HIP1: variants seen among roughly 807,000 people sequenced by gnomAD.
The protein encoded by HIP1 is huntingtin interacting protein 1.
In HIP1, 65 loss-of-function variants were observed where a neutral mutation model predicts 147.6. The observed-to-expected ratio is 0.44, with a 90% confidence interval of 0.36 to 0.54. HIP1 has a LOEUF of 0.54. Ranked by LOEUF, HIP1 falls within the 20% of genes least tolerant of loss-of-function variation. The pLI is 0.00. For synonymous variants in HIP1, 479 were observed against 504.0 expected (o/e 0.95, Z 0.67); for missense variants, 1,061 against 1,299.6 (o/e 0.82, Z 2.82).
intron 22 of HIP1, among the ~76,000 whole-genome samples, chr7:75,551,215 T>TTTTTTTTTTGG (rs1794770851): frequency 7.5e-6 from 1 of 134,202 alleles, no homozygotes; most frequent in Non-Finnish European, 1.6e-5. Context: ...TTTTTTTTTT[T>TTTTTTTTTTGG]GAGGCAGTGT....
At chr7:75,614,961 C>T (rs184917420) in intron 1 of HIP1, among the ~76,000 whole-genome samples, 2 of 151,896 alleles carry the variant, frequency 1.3e-5, no homozygotes, top group Admixed American at 6.6e-5. Flanking sequence ...TTAGTGGAGA[C>T]GGGGTTTCAC....
chr7:75,723,949 T>TAGAGAG (rs113160173), intron 1 of HIP1, among the ~76,000 whole-genome samples: 1 of 141,278 alleles, frequency 7.1e-6, no homozygotes, highest in Non-Finnish European at 1.6e-5. Context: ...TATATATATA[T>TAGAGAG]AGAGAGAGAG....
chr7:75,714,226 G>T (rs983820459), intron 1 of HIP1, among the ~76,000 whole-genome samples: 1 of 151,594 alleles, frequency 6.6e-6, no homozygotes, highest in African/African-American at 2.4e-5. Flanking sequence ...TTTTAGTGGA[G>T]ATGGGGTTTC....
At chr7:75,619,169 A>G (rs1797761173) in intron 1 of HIP1, among the ~76,000 whole-genome samples, 1 of 152,134 alleles carries the variant, frequency 6.6e-6, no homozygotes, top group African/African-American at 2.4e-5. Flanking sequence ...GGCACTGTTA[A>G]TTCAGGTGAT....
At chr7:75,575,872 C>A (rs10250938) in intron 7 of HIP1, among the ~76,000 whole-genome samples, 1 of 152,200 alleles carries the variant, frequency 6.6e-6, no homozygotes, top group African/African-American at 2.4e-5. Flanking sequence ...ATTCCGCTTC[C>A]CGACTGCACT....
Position 75,583,655 on chromosome 7 carries a change from T to C in HIP1, c.466-1504A>G, listed in dbSNP as rs140195393. On this transcript the variant is annotated intron_variant, in intron 5 of 30. Coordinates refer to ENST00000336926, the MANE Select transcript of HIP1 (RefSeq NM_005338.7). ...CCCACGCTGGAGTGCAGTGGCATGA[T>C]CATCACTCACTGCAGCCTCGAATTC... is the stretch of plus-strand genomic sequence containing the variant. 1.0e-3 allele frequency among the ~76,000 whole-genome samples: 154 copies of C among 152,024 alleles called. 1 individual carries two copies. Among genetic ancestry groups the C allele is most frequent in the African/African-American group, 3.4e-3 (142 of 41,462 alleles).
intron 1 of HIP1, among the ~76,000 whole-genome samples, chr7:75,603,682 G>A (rs587696446): frequency 5.3e-5 from 8 of 151,980 alleles, no homozygotes; most frequent in South Asian, 2.1e-4. Flanking sequence ...AGATCAGCCC[G>A]GACAACATGG....
intron 4 of HIP1, among the ~76,000 whole-genome samples, chr7:75,589,776 G>C (rs782007780): frequency 1.3e-4 from 20 of 149,710 alleles, no homozygotes; most frequent in Non-Finnish European, 1.8e-4. Flanking sequence ...TGTCACCTAG[G>C]CTGGAGTGCA....
intron 1 of HIP1, among the ~76,000 whole-genome samples, chr7:75,700,796 C>T (rs1800802625): frequency 6.6e-6 from 1 of 151,966 alleles, no homozygotes; most frequent in East Asian, 1.9e-4. Flanking sequence ...AACTCCGCCT[C>T]CCGGGTTCAC....
At chr7:75,731,402 G>A (rs1801831976) in intron 1 of HIP1, among the ~76,000 whole-genome samples, 1 of 140,224 alleles carries the variant, frequency 7.1e-6, no homozygotes, top group African/African-American at 2.6e-5. Flanking sequence ...AGAACCACTT[G>A]AACCCAGGAG....
Position 75,680,045 on chromosome 7 carries a change from C to T in HIP1, c.120+58756G>A, listed in dbSNP as rs4731597. Among the ~76,000 whole-genome samples the T allele has an allele frequency of 1.4e-3, 210 of 151,772 alleles. 1 individual carries two copies. Among genetic ancestry groups the T allele is most frequent in the African/African-American group, 4.2e-3 (173 of 41,390 alleles). ...GCCAGCTTTTATTGATTGATTGATT[C>T]ATTCATTCATTCATTGAGACAGAGT... On this transcript the variant is annotated intron_variant, in intron 1 of 30. Transcript: ENST00000336926.
intron 2 of HIP1, among the ~76,000 whole-genome samples, chr7:75,597,024 C>T (rs1057263172): frequency 2.0e-5 from 3 of 152,122 alleles, no homozygotes; most frequent in Admixed American, 6.5e-5. Context: ...TCCACTGGGC[C>T]GTTTAAAATA....
intron 1 of HIP1, among the ~76,000 whole-genome samples, chr7:75,632,828 A>G (rs1554509132): frequency 6.6e-6 from 1 of 152,234 alleles, no homozygotes; most frequent in African/African-American, 2.4e-5. Context: ...CTGCAGCCAT[A>G]AAAAGGAACA....
intron 19 of HIP1, among the ~76,000 whole-genome samples, chr7:75,555,195 C>CA (rs1554492961): frequency 4.2e-5 from 1 of 23,636 alleles, no homozygotes; most frequent in South Asian, 3.0e-3. Flanking sequence ...AGCGGGGGGG[C>CA]GGGGGGGGGG....
At chr7:75,565,867 G>T (rs1554495414) in intron 9 of HIP1, among the ~76,000 whole-genome samples, 1 of 146,014 alleles carries the variant, frequency 6.8e-6, no homozygotes. Context: ...GAGTAGCTGG[G>T]ATTACAGGGC....
intron 29 of HIP1, 46 bp downstream of exon 29, chr7:75,541,873 T>G: frequency 2.2e-6 from 3 of 1,351,982 alleles, no homozygotes; most frequent in Non-Finnish European, 3.2e-6. Context: ...TCAGAGTCCA[T>G]GTCTAGGCAA....
chr7:75,599,867 G>A (rs147969627), intron 1 of HIP1, among the ~76,000 whole-genome samples: 22,937 of 134,780 alleles, frequency 0.17, 2,131 homozygotes, highest in Middle Eastern at 0.29. Context: ...GAGGAGTCTC[G>A]CTCTGTCACC....
chr7:75,587,919 A>C (rs1796343753), intron 4 of HIP1, among the ~76,000 whole-genome samples: 2 of 152,154 alleles, frequency 1.3e-5, no homozygotes, highest in South Asian at 2.1e-4. Context: ...AGCTGTGATC[A>C]TGTCACCATT....
At chr7:75,679,620 C>T (rs1799999563) in intron 1 of HIP1, among the ~76,000 whole-genome samples, 1 of 152,152 alleles carries the variant, frequency 6.6e-6, no homozygotes, top group Admixed American at 6.6e-5. Context: ...CTGAAACTCC[C>T]TTCCCTTGAC....
Sources: allele counts gnomAD v4.1 joint callset (sites outside exome capture counted in the v4.1 genomes callset), GRCh38; gene constraint gnomAD v4.1.1; transcripts MANE v1.5; gene names NCBI Gene and HGNC (gene_info 2026-07-23, HGNC 2026-07-21).